Variants in DLG2 observed in about 807,000 individuals in gnomAD.
The protein encoded by DLG2 is disks large homolog 2.
In DLG2, 45 loss-of-function variants were observed where a neutral mutation model predicts 132.5. The ratio of observed to expected loss-of-function variants is 0.34; its 90% CI spans 0.27 to 0.44. The LOEUF is 0.44. DLG2 is among the 20% of genes least tolerant of loss of function. The pLI is 1.00. For missense variants in DLG2, 1,045 were observed against 1,196.9 expected (o/e 0.87, Z 1.87); for synonymous variants, 424 against 419.6 (o/e 1.01, Z -0.13).
intron 19 of DLG2, among the ~76,000 whole-genome samples, chr11:83,624,044 A>G (rs2062080856): frequency 1.3e-5 from 2 of 152,244 alleles, no homozygotes; most frequent in Non-Finnish European, 2.9e-5. Context: ...TGGAGAGGTA[A>G]GCAGAATCTA....
At chr11:85,383,319 T>C (rs1035480658) in intron 3 of DLG2, among the ~76,000 whole-genome samples, 5 of 152,112 alleles carry the variant, frequency 3.3e-5, no homozygotes, top group Non-Finnish European at 7.4e-5. Context: ...GGATAGGGGA[T>C]GTGAGGAGTA....
intron 8 of DLG2, among the ~76,000 whole-genome samples, chr11:84,205,870 C>T (rs940188936): frequency 1.3e-5 from 2 of 151,888 alleles, no homozygotes; most frequent in African/African-American, 4.8e-5. Context: ...AGCAAGCAAA[C>T]AATAGAAGAT....
Position 85,354,745 on chromosome 11 carries a change from TCA to T in DLG2, c.41-69382_41-69381del, listed in dbSNP as rs139924079. On this transcript the variant is annotated intron_variant, in intron 3 of 27. Transcript: ENST00000376104. ...GTCACTGTTTCTCTCTCTCTCTCTC[TCA>T]CACACACACACACACATACACGCAT... Among the ~76,000 whole-genome samples the T allele has an allele frequency of 6.9e-3, 1,030 of 149,194 alleles. 1 individual carries two copies. Among genetic ancestry groups the T allele is most frequent in the South Asian group, 0.019 (89 of 4,740 alleles).
chr11:84,191,165 G>T (rs527470386), intron 8 of DLG2, among the ~76,000 whole-genome samples: 2 of 152,178 alleles, frequency 1.3e-5, no homozygotes, highest in East Asian at 3.9e-4. Flanking sequence ...TTTTTATGTG[G>T]ATTTCAGTTT....
At chr11:83,849,351 A>T (rs891927120) in intron 16 of DLG2, among the ~76,000 whole-genome samples, 5 of 141,594 alleles carry the variant, frequency 3.5e-5, no homozygotes, top group South Asian at 2.2e-4. Context: ...AACAAATAAA[A>T]AATTGCAAGC....
chr11:83,481,753 T>G (rs2093128129), intron 22 of DLG2, among the ~76,000 whole-genome samples: 1 of 152,134 alleles, frequency 6.6e-6, no homozygotes, highest in African/African-American at 2.4e-5. Context: ...AGGCACATAA[T>G]CAATAATAGT....
chr11:85,233,773 T>G (rs2075430490), intron 4 of DLG2, among the ~76,000 whole-genome samples: 1 of 151,340 alleles, frequency 6.6e-6, no homozygotes, highest in African/African-American at 2.4e-5. Flanking sequence ...TTTCCTTTTC[T>G]GGTGGTGGTG....
intron 17 of DLG2, chr11:83,790,092 G>C (rs1385211869): frequency 2.0e-6 from 2 of 1,022,136 alleles, no homozygotes; most frequent in Non-Finnish European, 2.9e-6. Context: ...GAGTGTACCT[G>C]CATGAACCGA....
intron 18 of DLG2, among the ~76,000 whole-genome samples, chr11:83,715,359 T>C (rs1012838713): frequency 2.2e-4 from 34 of 152,198 alleles, no homozygotes; most frequent in African/African-American, 8.2e-4. Flanking sequence ...ATTATCTTTA[T>C]CAACAGAATC....
chr11:83,964,629 A>G lies in DLG2; in HGVS notation c.1201+695T>C, dbSNP rs1288427516. ...AACAAAGTAAATTGCTTCTAAATCT[A>G]GTCTTCAAAGACAGAAACTTAGTTA... On this transcript the variant is annotated intron_variant, in intron 13 of 27. Transcript: ENST00000376104. 3.3e-5 allele frequency among the ~76,000 whole-genome samples: 5 copies of G among 152,154 alleles called. No homozygotes were observed. In the East Asian group the frequency reaches 9.6e-4, roughly 29 times the overall value.
intron 11 of DLG2, among the ~76,000 whole-genome samples, chr11:84,035,738 T>C (rs995253298): frequency 1.1e-4 from 16 of 152,120 alleles, no homozygotes; most frequent in African/African-American, 3.6e-4. Flanking sequence ...GAAGAGACTG[T>C]AGAGGGTGCA....
intron 7 of DLG2, among the ~76,000 whole-genome samples, chr11:84,520,445 C>T (rs563596804): frequency 1.3e-5 from 2 of 152,286 alleles, no homozygotes; most frequent in South Asian, 2.1e-4. Context: ...ATGATACATT[C>T]TAGCATAGTG....
At chr11:84,292,490 A>G (rs2098017040) in intron 7 of DLG2, among the ~76,000 whole-genome samples, 1 of 152,134 alleles carries the variant, frequency 6.6e-6, no homozygotes, top group African/African-American at 2.4e-5. Flanking sequence ...TCTGCAAGAG[A>G]AATTGATAAT....
chr11:85,192,042 G>A (rs1461623576), intron 4 of DLG2, among the ~76,000 whole-genome samples: 1 of 152,130 alleles, frequency 6.6e-6, no homozygotes, highest in Non-Finnish European at 1.5e-5. Flanking sequence ...TAAATAGAAA[G>A]GAGTTGAACT....
intron 6 of DLG2, among the ~76,000 whole-genome samples, chr11:84,762,924 A>G (rs573608720): frequency 6.6e-6 from 1 of 152,300 alleles, no homozygotes; most frequent in South Asian, 2.1e-4. Flanking sequence ...AGATGCATGG[A>G]AGGTTTCTTA....
chr11:84,272,291 T>C (rs992569632), intron 7 of DLG2: 59 of 439,700 alleles, frequency 1.3e-4, no homozygotes, highest in African/African-American at 1.1e-3. Context: ...TCAAGGAAGA[T>C]TTATTCCAAC....
intron 14 of DLG2, among the ~76,000 whole-genome samples, chr11:83,935,275 C>A (rs961941443): frequency 4.6e-5 from 7 of 152,112 alleles, no homozygotes; most frequent in Non-Finnish European, 5.9e-5. Context: ...AAATAATACA[C>A]TGTTTATTGG....
chr11:83,612,248 G>A (rs1490030909), intron 19 of DLG2, among the ~76,000 whole-genome samples: 1 of 152,138 alleles, frequency 6.6e-6, no homozygotes, highest in Non-Finnish European at 1.5e-5. Context: ...TTGACTATTG[G>A]CTTTGCCACC....
intron 21 of DLG2, among the ~76,000 whole-genome samples, chr11:83,490,176 C>G (rs1468417772): frequency 6.6e-6 from 1 of 151,550 alleles, no homozygotes; most frequent in Non-Finnish European, 1.5e-5. Flanking sequence ...TTTCGTGGGG[C>G]TAGAAAGTAA....
Sources: gnomAD v4.1 joint callset for allele counts (sites outside exome capture counted in the v4.1 genomes callset) on GRCh38, gnomAD v4.1.1 for gene constraint, MANE v1.5 for transcripts, NCBI Gene and HGNC (gene_info 2026-07-23, HGNC 2026-07-21) for gene names.